The following MGRN1 variants were observed in gnomAD, a reference collection of about 807,000 sequenced individuals.
The protein encoded by MGRN1 is mahogunin ring finger 1.
In MGRN1, 29 loss-of-function variants were observed where a neutral mutation model predicts 69.2. That is an observed-to-expected ratio of 0.42 (90% CI 0.31 to 0.57). MGRN1 has a LOEUF of 0.57. Ranked by LOEUF, MGRN1 falls within the 20% of genes least tolerant of loss-of-function variation. The probability of loss-of-function intolerance (pLI) is 0.15; values close to 1 mark genes in which losing one functional copy is unlikely to be tolerated. For missense variants in MGRN1, 998 were observed against 796.2 expected, an observed-to-expected ratio of 1.25 and a Z score of -3.05; for synonymous variants, 470 against 344.2, an observed-to-expected ratio of 1.37 and a Z score of -4.04.
At chr16:4,638,585 G>A (rs904232137) in intron 1 of MGRN1, among the ~76,000 whole-genome samples, 1 of 152,242 alleles carries the variant, frequency 6.6e-6, no homozygotes, top group East Asian at 1.9e-4. Context: ...ATACAGCTGG[G>A]TGGGACCCCC....
intron 1 of MGRN1, among the ~76,000 whole-genome samples, chr16:4,639,437 A>G (rs562975545): frequency 1.8e-4 from 27 of 152,294 alleles, no homozygotes; most frequent in African/African-American, 6.3e-4. Context: ...GAGCTTGGCC[A>G]TGGCCTTCAG....
intron 1 of MGRN1, among the ~76,000 whole-genome samples, chr16:4,647,527 A>G (rs938602114): frequency 1.3e-5 from 2 of 152,062 alleles, no homozygotes; most frequent in African/African-American, 2.4e-5. Context: ...CTCTGCACCA[A>G]TTTCCCTGGC....
Position 4,689,400 on chromosome 16 carries a change from G to A in MGRN1, c.*492G>A, listed in dbSNP as rs1366104807. ...GTCCACCCACCCTGCGTGTCACTGT[G>A]GCGGCCTGGCTGTCGCTGCTTTTTG... On this transcript the variant is annotated 3_prime_UTR_variant, in exon 17 of 17. Transcript: ENST00000262370. 6.5e-6 allele frequency: 1 copy of A among 154,170 alleles called. No homozygotes were observed. Among genetic ancestry groups the A allele is most frequent in the Non-Finnish European group, 1.4e-5 (1 of 69,082 alleles). The allele number at this position is 154,170 out of a possible 1,614,324, so 9.6% of individuals were successfully genotyped here.
intron 1 of MGRN1, among the ~76,000 whole-genome samples, chr16:4,632,887 A>G (rs1448811618): frequency 6.6e-6 from 1 of 152,060 alleles, no homozygotes; most frequent in Non-Finnish European, 1.5e-5. Context: ...GTTTGAGACC[A>G]CCCTGGGCAA....
chr16:4,677,929 G>A (rs1314648509), intron 11 of MGRN1, among the ~76,000 whole-genome samples: 6 of 150,874 alleles, frequency 4.0e-5, no homozygotes. Flanking sequence ...GCTCACTGCA[G>A]CCTCGACCTC....
intron 10 of MGRN1, among the ~76,000 whole-genome samples, chr16:4,674,842 T>G (rs1302845945): frequency 2.7e-5 from 4 of 149,764 alleles, no homozygotes; most frequent in East Asian, 4.0e-4. Context: ...GGGTTTCACC[T>G]TGTTAGCCAG....
At chr16:4,642,374 G>A (rs146755845) in intron 1 of MGRN1, among the ~76,000 whole-genome samples, 37 of 151,740 alleles carry the variant, frequency 2.4e-4, no homozygotes, top group African/African-American at 8.2e-4. Flanking sequence ...CTCCGCTCAC[G>A]GTAACCTTCG....
chr16:4,683,413 C>G (rs947341308), intron 15 of MGRN1, 144 bp downstream of exon 15: 1 of 969,836 alleles, frequency 1.0e-6, no homozygotes, highest in Non-Finnish European at 1.5e-6. Flanking sequence ...CTCGGCGGCA[C>G]TGGGATCCCG....
chr16:4,658,241 A>G (rs1177637973), intron 5 of MGRN1, among the ~76,000 whole-genome samples: 1 of 151,676 alleles, frequency 6.6e-6, no homozygotes, highest in East Asian at 2.0e-4. Flanking sequence ...GTGTAACAGT[A>G]CAGACCTTGT....
chr16:4,642,347 G>C lies in MGRN1; in HGVS notation c.89-8018G>C, dbSNP rs116181910. ...GAGTCGTCTTCTGTCACCCAGGCTGGAGTTCAATGGTGTGATCTCCGCTCA... is the reference window on the plus strand; with the variant it reads ...GAGTCGTCTTCTGTCACCCAGGCTGCAGTTCAATGGTGTGATCTCCGCTCA... On this transcript the variant is annotated intron_variant, in intron 1 of 16. Coordinates refer to ENST00000262370, the MANE Select transcript of MGRN1 (RefSeq NM_015246.4). Among the ~76,000 whole-genome samples, 848 of 151,902 alleles carry C rather than the reference G, an allele frequency of 5.6e-3. 10 individuals are homozygous for C. The highest frequency in any genetic ancestry group is 0.019 in the African/African-American group (790 of 41,408).
chr16:4,685,371 A>G (rs906612741), intron 16 of MGRN1, among the ~76,000 whole-genome samples: 1 of 152,230 alleles, frequency 6.6e-6, no homozygotes, highest in Non-Finnish European at 1.5e-5. Flanking sequence ...AGGCCCACAC[A>G]GAGGAGGCCA....
rs183578932 is a variant in MGRN1 at position 4,677,602 on chromosome 16, G to A, written c.1065+30G>A. 3.8e-6 allele frequency: 6 copies of A among 1,591,376 alleles called. No individual in the cohort carries two copies. The East Asian group carries it at 1.3e-4, about 36-fold the overall frequency. On this transcript the variant is annotated intron_variant, in intron 11 of 16. Transcript: ENST00000262370. Reference sequence around the variant, plus strand: ...GTGCCGCCTCCTGCCTGCGGGATGGGCGGGAGAGGGGCATGAGTGCCTGGG... The same window carrying A: ...GTGCCGCCTCCTGCCTGCGGGATGGACGGGAGAGGGGCATGAGTGCCTGGG...
intron 10 of MGRN1, 22 bp downstream of exon 10, chr16:4,673,679 T>G: frequency 6.2e-7 from 1 of 1,610,498 alleles, no homozygotes. Flanking sequence ...GGCCGGCTGT[T>G]CTGTGGAAGG....
intron 1 of MGRN1, among the ~76,000 whole-genome samples, chr16:4,646,231 G>A: frequency 6.6e-6 from 1 of 152,124 alleles, no homozygotes; most frequent in Non-Finnish European, 1.5e-5. Context: ...AGCAGTTTGA[G>A]ACCAGCCTGG....
chr16:4,664,250 A>T lies in MGRN1; in HGVS notation c.562-459A>T, dbSNP rs534376922. 5 of 228,954 alleles carry T rather than the reference A, an allele frequency of 2.2e-5. No homozygotes were observed. The South Asian group carries it at 3.0e-4, about 14-fold the overall frequency. The allele number at this position is 228,954 out of a possible 1,614,324, so 14.2% of individuals were successfully genotyped here. On this transcript the variant is annotated intron_variant, in intron 5 of 16. Coordinates refer to ENST00000262370, the MANE Select transcript of MGRN1 (RefSeq NM_015246.4). ...CACCGTGGGTGAACTTTGGAAACAT[A>T]CCTAGACACAGAAGGTCACCTGTTG...
intron 5 of MGRN1, among the ~76,000 whole-genome samples, chr16:4,663,391 T>TTAC (rs150893432): frequency 8.1e-6 from 1 of 123,176 alleles, no homozygotes; most frequent in African/African-American, 2.7e-5. Flanking sequence ...TTTTTTTTTT[T>TTAC]ACACCTTTAT....
intron 9 of MGRN1, among the ~76,000 whole-genome samples, chr16:4,672,091 C>T (rs559483433): frequency 3.9e-5 from 6 of 152,010 alleles, no homozygotes; most frequent in South Asian, 2.1e-4. Flanking sequence ...ATTTTAGTAG[C>T]GACGGGGTTT....
chr16:4,669,725 G>C (rs1178747739), intron 8 of MGRN1, among the ~76,000 whole-genome samples: 2 of 152,174 alleles, frequency 1.3e-5, no homozygotes, highest in African/African-American at 2.4e-5. Context: ...GTATTGGACA[G>C]AGACTTAGCT....
At chr16:4,631,640 A>G (rs1898005891) in intron 1 of MGRN1, among the ~76,000 whole-genome samples, 1 of 152,226 alleles carries the variant, frequency 6.6e-6, no homozygotes, top group African/African-American at 2.4e-5. Context: ...GTAGTTTGAT[A>G]GTAAGTTGTG....
Sources: allele counts gnomAD v4.1 joint callset (sites outside exome capture counted in the v4.1 genomes callset), GRCh38; gene constraint gnomAD v4.1.1; transcripts MANE v1.5; gene names NCBI Gene and HGNC (gene_info 2026-07-23, HGNC 2026-07-21).